The following DLC1 variants were observed in gnomAD, a reference collection of about 807,000 sequenced individuals.
DLC1 encodes the protein rho GTPase-activating protein 7.
In DLC1, 54 loss-of-function variants were observed where a neutral mutation model predicts 140.3. The ratio of observed to expected loss-of-function variants is 0.38; its 90% CI spans 0.31 to 0.48. DLC1 has a LOEUF of 0.48. Ranked by LOEUF, DLC1 falls within the 20% of genes least tolerant of loss-of-function variation. DLC1 has a pLI of 0.96. For missense variants in DLC1, 2,536 were observed against 1,907.0 expected, an observed-to-expected ratio of 1.33 and a Z score of -6.14; for synonymous variants, 986 against 728.1, an observed-to-expected ratio of 1.35 and a Z score of -5.70.
intron 5 of DLC1, among the ~76,000 whole-genome samples, chr8:13,192,529 A>C (rs1563153110): frequency 6.6e-6 from 1 of 152,122 alleles, no homozygotes; most frequent in African/African-American, 2.4e-5. Context: ...CCTCTCCCCC[A>C]GCACTGCAAA....
rs1288173581 is a variant in DLC1, at chr8:13,085,679, T to C, written c.*132A>G. 1.5e-6 allele frequency: 2 copies of C among 1,365,856 alleles called. No homozygotes were observed. The highest frequency in any genetic ancestry group is 2.3e-5 in the East Asian group (1 of 43,006). 84.6% of individuals were successfully genotyped at this position (1,365,856 alleles called of 1,614,324 possible). On this transcript the variant is annotated 3_prime_UTR_variant, in exon 18 of 18. Coordinates refer to ENST00000276297, the MANE Select transcript of DLC1 (RefSeq NM_182643.3). ...GCTTTAAAAATGTATCAAATTGCTA[T>C]AGTCAATTCCTACACTCCAGCTTGT...
At chr8:13,193,041 C>T (rs1826852519) in intron 5 of DLC1, among the ~76,000 whole-genome samples, 1 of 152,168 alleles carries the variant, frequency 6.6e-6, no homozygotes, top group Non-Finnish European at 1.5e-5. Context: ...ATGTCTGTTC[C>T]CTTGTCCCAA....
chr8:13,496,347 C>G (rs1478473797), intron 2 of DLC1, among the ~76,000 whole-genome samples: 1 of 152,028 alleles, frequency 6.6e-6, no homozygotes, highest in Non-Finnish European at 1.5e-5. Context: ...AGCTTATATA[C>G]TAAATATTAT....
At chr8:13,332,198 A>T (rs1160685548) in intron 4 of DLC1, among the ~76,000 whole-genome samples, 1 of 152,248 alleles carries the variant, frequency 6.6e-6, no homozygotes, top group East Asian at 1.9e-4. Context: ...AAATCATTGT[A>T]AAGTGCATTA....
At chr8:13,396,321 A>G (rs186939392) in intron 3 of DLC1, among the ~76,000 whole-genome samples, 17 of 152,128 alleles carry the variant, frequency 1.1e-4, no homozygotes, top group African/African-American at 3.9e-4. Context: ...AGCCTCCCAA[A>G]GTGCTGAGAT....
intron 4 of DLC1, among the ~76,000 whole-genome samples, chr8:13,330,228 A>T (rs1048892620): frequency 1.3e-4 from 20 of 152,188 alleles, no homozygotes; most frequent in Non-Finnish European, 2.6e-4. Context: ...CTGGGATTGC[A>T]GGAATAAACC....
chr8:13,559,937 C>T (rs928391533), intron 1 of DLC1, among the ~76,000 whole-genome samples: 5 of 152,240 alleles, frequency 3.3e-5, no homozygotes, highest in South Asian at 4.1e-4. Flanking sequence ...CATAAAGATG[C>T]CCAGAACCAT....
chr8:13,208,937 A>C (rs974311281), intron 5 of DLC1, among the ~76,000 whole-genome samples: 1 of 152,198 alleles, frequency 6.6e-6, no homozygotes, highest in African/African-American at 2.4e-5. Context: ...ATCATTTATA[A>C]TGTGTGCATT....
At chr8:13,534,740 A>G in intron 1 of DLC1, among the ~76,000 whole-genome samples, 1 of 152,218 alleles carries the variant, frequency 6.6e-6, no homozygotes, top group East Asian at 1.9e-4. Flanking sequence ...CCTTCTGAGT[A>G]GCTGAATCCA....
chr8:13,570,129 A>G (rs778845309), intron 1 of DLC1, among the ~76,000 whole-genome samples: 2 of 152,198 alleles, frequency 1.3e-5, no homozygotes, highest in African/African-American at 4.8e-5. Context: ...AAATATTTCA[A>G]ACTAATTAAG....
intron 1 of DLC1, among the ~76,000 whole-genome samples, chr8:13,593,939 C>G (rs939765995): frequency 6.6e-6 from 1 of 152,078 alleles, no homozygotes; most frequent in Non-Finnish European, 1.5e-5. Flanking sequence ...AAAGAAACTG[C>G]TAATGCAAAG....
At chr8:13,137,574 C>T (rs1295694666) in intron 5 of DLC1, among the ~76,000 whole-genome samples, 1 of 148,612 alleles carries the variant, frequency 6.7e-6, no homozygotes, top group Non-Finnish European at 1.5e-5. Context: ...TTTGCTCTTT[C>T]TTCAGCTTGG....
At chr8:13,468,068 T>C (rs1800023011) in intron 2 of DLC1, among the ~76,000 whole-genome samples, 1 of 152,202 alleles carries the variant, frequency 6.6e-6, no homozygotes, top group Admixed American at 6.5e-5. Context: ...TCTTCAAAGA[T>C]GGTTAAAATT....
intron 5 of DLC1, among the ~76,000 whole-genome samples, chr8:13,186,422 T>G (rs1033177275): frequency 1.3e-5 from 2 of 152,204 alleles, no homozygotes; most frequent in Non-Finnish European, 2.9e-5. Flanking sequence ...TGATACCCTT[T>G]CTTCCACTTG....
intron 5 of DLC1, among the ~76,000 whole-genome samples, chr8:13,259,796 GTTT>G (rs367852891): frequency 0.054 from 7,944 of 148,210 alleles, 252 homozygotes; most frequent in South Asian, 0.14. Context: ...CAACAGATGG[GTTT>G]TTTTTTTTCT....
chr8:13,568,081 C>G, intron 1 of DLC1: 4 of 1,031,622 alleles, frequency 3.9e-6, no homozygotes. Flanking sequence ...CTTTTTTTTT[C>G]CTATTATAGA....
At chr8:13,166,061 T>G (rs1439736936) in intron 5 of DLC1, among the ~76,000 whole-genome samples, 1 of 152,168 alleles carries the variant, frequency 6.6e-6, no homozygotes, top group Non-Finnish European at 1.5e-5. Flanking sequence ...CAAAACCTAT[T>G]CCCAATGAAG....
At chr8:13,535,669 T>TTAAAAAAA (rs1554540006) in intron 1 of DLC1, among the ~76,000 whole-genome samples, 4 of 114,704 alleles carry the variant, frequency 3.5e-5, no homozygotes, top group African/African-American at 3.7e-5. Context: ...CATTGCTCAT[T>TTAAAAAAA]AAAAAAAAAA....
intron 4 of DLC1, among the ~76,000 whole-genome samples, chr8:13,363,641 C>G (rs1014957430): frequency 2.0e-5 from 3 of 151,812 alleles, no homozygotes; most frequent in Non-Finnish European, 4.4e-5. Flanking sequence ...TTTACATGTT[C>G]TCCCCCATAA....
Sources: allele counts gnomAD v4.1 joint callset (sites outside exome capture counted in the v4.1 genomes callset), GRCh38; gene constraint gnomAD v4.1.1; transcripts MANE v1.5; gene names NCBI Gene and HGNC (gene_info 2026-07-23, HGNC 2026-07-21).